PPM1E: variants seen among roughly 807,000 people sequenced by gnomAD.
PPM1E encodes protein phosphatase, Mg2+/Mn2+ dependent 1E, also known as protein phosphatase 1E.
Under a neutral mutation model 65.9 loss-of-function variants are expected in PPM1E, and 20 were observed. The observed-to-expected ratio is 0.30, with a 90% CI of 0.21 to 0.44. PPM1E has a LOEUF of 0.44. Among genes scored for constraint, PPM1E ranks in the 20% least tolerant of loss-of-function variants. The probability of loss-of-function intolerance (pLI) is 1.00; values close to 1 mark genes in which losing one functional copy is unlikely to be tolerated. For missense variants in PPM1E, 713 were observed against 953.1 expected (o/e 0.75, Z 3.32); for synonymous variants, 352 against 374.9 (o/e 0.94, Z 0.70).
intron 1 of PPM1E, among the ~76,000 whole-genome samples, chr17:58,801,432 C>G (rs2050256725): frequency 6.8e-6 from 1 of 146,006 alleles, no homozygotes; most frequent in Admixed American, 7.1e-5. Context: ...GTCTTTTTCC[C>G]CTTCAGTCTT....
At chr17:58,771,418 G>A (rs1004973818) in intron 1 of PPM1E, among the ~76,000 whole-genome samples, 1 of 151,524 alleles carries the variant, frequency 6.6e-6, no homozygotes. Context: ...AAGGTCAAGA[G>A]ATCGAGACCA....
At chr17:58,892,593 T>A (rs896891681) in intron 1 of PPM1E, among the ~76,000 whole-genome samples, 2 of 151,820 alleles carry the variant, frequency 1.3e-5, no homozygotes, top group African/African-American at 4.8e-5. Flanking sequence ...ATAATAATAA[T>A]AAAATGATAA....
chr17:58,902,770 AGGGG>A (rs1567869995), intron 1 of PPM1E, among the ~76,000 whole-genome samples: 1 of 152,206 alleles, frequency 6.6e-6, no homozygotes, highest in African/African-American at 2.4e-5. Flanking sequence ...ATTCAGATAT[AGGGG>A]TTGTGAAACA....
At chr17:58,834,592 G>A (rs946039035) in intron 1 of PPM1E, among the ~76,000 whole-genome samples, 15 of 152,086 alleles carry the variant, frequency 9.9e-5, no homozygotes, top group Non-Finnish European at 1.8e-4. Context: ...TTTAGGTCAA[G>A]GTCCATTTTG....
intron 4 of PPM1E, 30 bp downstream of exon 4, chr17:58,969,757 G>GT: frequency 6.2e-7 from 1 of 1,607,682 alleles, no homozygotes; most frequent in Non-Finnish European, 8.5e-7. Flanking sequence ...GTTCCAGCTA[G>GT]AAATGTACTA....
chr17:58,979,585 C>CCGTT (rs1458560172), intron 6 of PPM1E, among the ~76,000 whole-genome samples: 22 of 152,268 alleles, frequency 1.4e-4, no homozygotes, highest in African/African-American at 4.8e-4. Flanking sequence ...AAATCAAAAC[C>CCGTT]ACCTGCAAAA....
intron 1 of PPM1E, among the ~76,000 whole-genome samples, chr17:58,918,858 T>C (rs2051717359): frequency 6.7e-6 from 1 of 149,678 alleles, no homozygotes; most frequent in Non-Finnish European, 1.5e-5. Context: ...TAGAAACGTT[T>C]ATTCAGTTAC....
chr17:58,898,881 CA>C (rs2051459216), intron 1 of PPM1E, among the ~76,000 whole-genome samples: 1 of 151,974 alleles, frequency 6.6e-6, no homozygotes, highest in African/African-American at 2.4e-5. Flanking sequence ...AGCCGGAAAC[CA>C]TCATTCTGAG....
rs2049757349 is a variant in PPM1E, at chr17:58,756,095, C to T, written c.98C>T (p.Pro33Leu). The T allele has an allele frequency of 1.3e-6, 2 of 1,596,536 alleles. No homozygotes were observed. The highest frequency in any genetic ancestry group is 1.7e-4 in the Middle Eastern group (1 of 6,032). ...RGPCGGGEPE[P>L]EPEPEPEPEP... ...CCGTGCGGCGGCGGCGAGCCGGAGC[C>T]GGAACCCGAACCCGAACCCGAACCC... The change falls in exon 1 of 7, where the codon CCG becomes CTG. Residue 33 changes from proline (P) to leucine (L), a missense_variant. Pro to Leu is a moderately conservative substitution (Grantham distance 98). Around this residue, in one of 6 missense-constraint regions of PPM1E, gnomAD observed 212 missense variants for 204.0 expected, o/e 1.04. Transcript: ENST00000308249.
intron 1 of PPM1E, among the ~76,000 whole-genome samples, chr17:58,940,226 A>G (rs1196590247): frequency 2.0e-5 from 3 of 152,262 alleles, no homozygotes; most frequent in Non-Finnish European, 2.9e-5. Flanking sequence ...TCAAATGACA[A>G]GCATTAGTGA....
At chr17:58,979,528 G>C (rs1001686918) in intron 6 of PPM1E, among the ~76,000 whole-genome samples, 19 of 152,184 alleles carry the variant, frequency 1.2e-4, no homozygotes, top group Admixed American at 1.2e-3. Flanking sequence ...AATGATCAGA[G>C]CTTTGGTTTG....
chr17:58,966,402 C>A (rs1391881261), intron 3 of PPM1E: 11 of 219,566 alleles, frequency 5.0e-5, no homozygotes, highest in Non-Finnish European at 6.6e-5. Context: ...AATTATATCT[C>A]AATAAAGCAG....
intron 1 of PPM1E, among the ~76,000 whole-genome samples, chr17:58,824,387 G>A (rs2050510771): frequency 6.6e-6 from 1 of 152,070 alleles, no homozygotes; most frequent in Non-Finnish European, 1.5e-5. Flanking sequence ...ACTGCTGCAG[G>A]ATAAACCTTT....
chr17:58,803,705 G>C (rs1598580904), intron 1 of PPM1E, among the ~76,000 whole-genome samples: 1 of 152,236 alleles, frequency 6.6e-6, no homozygotes, highest in East Asian at 1.9e-4. Context: ...CAGAACCACT[G>C]TTTAGCAGTA....
rs550375999 is a variant in PPM1E at position 58,898,096 on chromosome 17, A to T, written c.465-57553A>T. On this transcript the variant is annotated intron_variant, in intron 1 of 6. Coordinates refer to ENST00000308249, the MANE Select transcript of PPM1E (RefSeq NM_014906.5). ...GAAACTCCGTCTCTACTAAAAAAATAAAAAGATTAACCAGGTGTGGTGGTA... is the reference window on the plus strand; with the variant it reads ...GAAACTCCGTCTCTACTAAAAAAATTAAAAGATTAACCAGGTGTGGTGGTA... Among the ~76,000 whole-genome samples, 7 of 152,178 alleles carry T rather than the reference A, an allele frequency of 4.6e-5. No individual in the cohort carries two copies. The East Asian group carries it at 1.2e-3, about 25-fold the overall frequency.
At chr17:58,950,611 T>C (rs924722536) in intron 1 of PPM1E, among the ~76,000 whole-genome samples, 2 of 152,136 alleles carry the variant, frequency 1.3e-5, no homozygotes, top group Admixed American at 6.5e-5. Context: ...CTGTTTTCAT[T>C]CTTTTTTCTT....
chr17:58,778,999 A>T (rs1343047758), intron 1 of PPM1E, among the ~76,000 whole-genome samples: 2 of 139,966 alleles, frequency 1.4e-5, no homozygotes, highest in Non-Finnish European at 3.1e-5. Flanking sequence ...CAACACTTTC[A>T]AGTGAGCACT....
Position 58,763,782 on chromosome 17 carries a change from A to G in PPM1E, c.464+7321A>G, listed in dbSNP as rs181262220. Among the ~76,000 whole-genome samples the G allele has an allele frequency of 3.1e-3, 471 of 152,254 alleles. 2 individuals carry two copies. The highest frequency in any genetic ancestry group is 4.5e-3 in the Non-Finnish European group (306 of 68,022). On this transcript the variant is annotated intron_variant, in intron 1 of 6. Coordinates refer to ENST00000308249, the MANE Select transcript of PPM1E (RefSeq NM_014906.5). Reference sequence around the variant, plus strand: ...TTGTATTTTAACACAGTTGTGTTCCATTATTGCTACTGAACCATGTAGGAA... The same window carrying G: ...TTGTATTTTAACACAGTTGTGTTCCGTTATTGCTACTGAACCATGTAGGAA...
At chr17:58,867,015 C>CT (rs1416284962) in intron 1 of PPM1E, among the ~76,000 whole-genome samples, 1 of 152,192 alleles carries the variant, frequency 6.6e-6, no homozygotes, top group East Asian at 1.9e-4. Context: ...GAGTCTCATT[C>CT]TGTCACCCAG....
Sources: gnomAD v4.1 joint callset for allele counts (sites outside exome capture counted in the v4.1 genomes callset) on GRCh38, gnomAD v4.1.1 for gene constraint, gnomAD v4.1.1 regional missense constraint, MANE v1.5 for transcripts, NCBI Gene and HGNC (gene_info 2026-07-23, HGNC 2026-07-21) for gene names.